The following CRTAC1 variants were observed in gnomAD, a reference collection of about 807,000 sequenced individuals.
The protein encoded by CRTAC1 is cartilage acidic protein 1, also known as acidic secreted protein in cartilage.
A neutral mutation model predicts 67.8 loss-of-function variants in CRTAC1; 37 were observed. The observed-to-expected ratio is 0.55, with a 90% CI of 0.42 to 0.72. The LOEUF is 0.72. CRTAC1 is among the 30% of genes least tolerant of loss of function. The pLI, the probability that CRTAC1 is intolerant of heterozygous loss-of-function variation, is 0.00. For missense variants in CRTAC1, 780 were observed against 931.6 expected (o/e 0.84, Z 2.12); for synonymous variants, 348 against 371.0 (o/e 0.94, Z 0.71).
chr10:97,904,670 C>A lies in CRTAC1; in HGVS notation c.995G>T (p.Arg332Leu), dbSNP rs138313108. 2 of 1,542,772 alleles carry A rather than the reference C, an allele frequency of 1.3e-6. No individual in the cohort carries two copies. The highest frequency in any genetic ancestry group is 1.4e-5 in the African/African-American group (1 of 71,474). Residue 332 changes from arginine (R) to leucine (L), a missense_variant and splice_region_variant, in exon 7 of 15, where the codon CGG becomes CTG. By Grantham distance (102) the Arg-to-Leu change is moderately radical (BLOSUM62 -2). Coordinates refer to ENST00000370597, the MANE Select transcript of CRTAC1 (RefSeq NM_018058.7). ...QMSTHGKVRF[R>L]DIASPKFSMP... ...TCCTGGGGTGAGGCCCCTTCTTACC[C>A]GGAAGCGGACCTTCCCATGGGTGCT...
chr10:97,904,906 G>T, intron 6 of CRTAC1, 92 bp from the exon 7 acceptor site: 1 of 1,393,378 alleles, frequency 7.2e-7, no homozygotes. Flanking sequence ...AGCAACTAGG[G>T]AGGGTGACTC....
At chr10:97,982,747 A>C (rs2051912968) in intron 2 of CRTAC1, among the ~76,000 whole-genome samples, 1 of 152,162 alleles carries the variant, frequency 6.6e-6, no homozygotes. Flanking sequence ...GGTACTGGCC[A>C]ACTGAAAAAT....
At chr10:97,974,516 A>C (rs2051767210) in intron 2 of CRTAC1, among the ~76,000 whole-genome samples, 1 of 152,198 alleles carries the variant, frequency 6.6e-6, no homozygotes, top group African/African-American at 2.4e-5. Flanking sequence ...GCCTCTTTCG[A>C]CACTTCCCAA....
intron 14 of CRTAC1, chr10:97,870,205 T>C (rs2050076780): frequency 6.6e-6 from 1 of 152,008 alleles, no homozygotes; most frequent in Non-Finnish European, 1.5e-5. Flanking sequence ...TTTTAAAGAG[T>C]TTCCCTGGTG....
chr10:97,965,269 T>A (rs1265267144), intron 2 of CRTAC1, among the ~76,000 whole-genome samples: 1 of 152,230 alleles, frequency 6.6e-6, no homozygotes, highest in Non-Finnish European at 1.5e-5. Flanking sequence ...GTGTGCCAAC[T>A]CAGCCCAAGT....
intron 3 of CRTAC1, among the ~76,000 whole-genome samples, chr10:97,932,015 A>G (rs1313753620): frequency 6.6e-6 from 1 of 152,214 alleles, no homozygotes; most frequent in Non-Finnish European, 1.5e-5. Context: ...TGCTGAAGCC[A>G]TAAGCCAGTT....
rs767364497 is a variant in CRTAC1, at chr10:97,865,674, G to C, written c.1860C>G (p.Pro620=). ...GQSPGPRPTT[P]TAAAATAAAA... ...CAGCGGCAGTGGCAGCAGCAGCGGT[G>C]GGGGTGGTGGGGCGGGGGCCCGGTG... Residue 620 remains proline, a synonymous_variant, in exon 15 of 15, where the codon CCC becomes CCG. Coordinates refer to ENST00000370597, the MANE Select transcript of CRTAC1 (RefSeq NM_018058.7). 6.2e-7 allele frequency: 1 copy of C among 1,608,270 alleles called. No individual in the cohort carries two copies. Among genetic ancestry groups the C allele is most frequent in the Non-Finnish European group, 8.5e-7 (1 of 1,177,394 alleles).
chr10:97,879,585 C>T lies in CRTAC1; in HGVS notation c.1819+664G>A, dbSNP rs140893096. ...CATTCAGAGGGAGCACACAGCAGAA[C>T]CTACTGGGCGTGGAGAGAGAGACAA... On this transcript the variant is annotated intron_variant, in intron 14 of 14. Transcript: ENST00000370597. 13,125 of 1,442,382 alleles carry T rather than the reference C, an allele frequency of 9.1e-3. 83 individuals carry two copies. Among genetic ancestry groups the T allele is most frequent in the Non-Finnish European group, 0.01 (11,321 of 1,086,000 alleles). 89.3% of individuals were successfully genotyped at this position (1,442,382 alleles called of 1,614,324 possible).
intron 14 of CRTAC1, chr10:97,866,511 G>A (rs2050026744): frequency 6.6e-6 from 1 of 152,284 alleles, no homozygotes; most frequent in South Asian, 2.1e-4. Flanking sequence ...GAACCTGTGT[G>A]TATGCACATG....
chr10:97,908,549 C>G (rs2050646453), intron 5 of CRTAC1, among the ~76,000 whole-genome samples: 1 of 152,218 alleles, frequency 6.6e-6, no homozygotes, highest in South Asian at 2.1e-4. Flanking sequence ...TTGAGTGATA[C>G]ATATGCTGGT....
At chr10:97,977,291 T>G (rs898975911) in intron 2 of CRTAC1, among the ~76,000 whole-genome samples, 2 of 152,184 alleles carry the variant, frequency 1.3e-5, no homozygotes, top group Non-Finnish European at 2.9e-5. Flanking sequence ...AATTGTGATG[T>G]CTGGAATACT....
At chr10:97,940,072 G>A (rs1250188867) in intron 2 of CRTAC1, among the ~76,000 whole-genome samples, 1 of 152,202 alleles carries the variant, frequency 6.6e-6, no homozygotes, top group East Asian at 1.9e-4. Flanking sequence ...ATCAGTGGAT[G>A]AATGAATGAA....
At chr10:97,904,370 G>A (rs1395835352) in intron 7 of CRTAC1, among the ~76,000 whole-genome samples, 1 of 152,072 alleles carries the variant, frequency 6.6e-6, no homozygotes, top group Non-Finnish European at 1.5e-5. Flanking sequence ...CCCCTGCAGT[G>A]GTGCTGTAGG....
chr10:97,977,576 A>G lies in CRTAC1; in HGVS notation c.224+33562T>C, dbSNP rs80079239. On this transcript the variant is annotated intron_variant, in intron 2 of 14. Transcript: ENST00000370597. ...GCTGATTTTTTTTTCTGGGATAATC[A>G]TAATAGCAACTCACCAGGGTACCAA... is the stretch of plus-strand genomic sequence containing the variant. Among the ~76,000 whole-genome samples, 271 of 150,454 alleles carry G rather than the reference A, an allele frequency of 1.8e-3. 7 individuals are homozygous for G. The East Asian group carries it at 0.043, about 24-fold the overall frequency.
At chr10:97,871,497 G>A (rs1179756467) in intron 14 of CRTAC1, 1 of 152,238 alleles carries the variant, frequency 6.6e-6, no homozygotes, top group Non-Finnish European at 1.5e-5. Flanking sequence ...TTTATAGCAG[G>A]CTTCAGATTC....
At chr10:97,978,951 T>A (rs1266955325) in intron 2 of CRTAC1, among the ~76,000 whole-genome samples, 1 of 152,086 alleles carries the variant, frequency 6.6e-6, no homozygotes, top group Non-Finnish European at 1.5e-5. Flanking sequence ...TCTTGCCCAG[T>A]GATTTGATGA....
intron 2 of CRTAC1, among the ~76,000 whole-genome samples, chr10:98,004,037 C>T (rs898874852): frequency 6.6e-6 from 1 of 152,150 alleles, no homozygotes; most frequent in Non-Finnish European, 1.5e-5. Context: ...AAAGCCCTGG[C>T]CCCTGATCCA....
At chr10:97,896,833 T>TCCCCCCCCCC in intron 9 of CRTAC1, 76 bp downstream of exon 9, 3 of 450,858 alleles carry the variant, frequency 6.7e-6, no homozygotes, top group Non-Finnish European at 1.3e-5. Flanking sequence ...GGCTGCCCCG[T>TCCCCCCCCCC]CCCTCCCGCC....
At chr10:97,936,024 G>T in intron 3 of CRTAC1, 146 bp downstream of exon 3, 1 of 701,596 alleles carries the variant, frequency 1.4e-6, no homozygotes, top group Non-Finnish European at 2.3e-6. Flanking sequence ...CTGGGACCCA[G>T]GGAGGTCCTG....
Sources: allele counts gnomAD v4.1 joint callset (sites outside exome capture counted in the v4.1 genomes callset), GRCh38; gene constraint gnomAD v4.1.1; transcripts MANE v1.5; gene names NCBI Gene and HGNC (gene_info 2026-07-23, HGNC 2026-07-21).